HIKESHI: variants seen among roughly 807,000 people sequenced by gnomAD.
The protein encoded by HIKESHI is protein Hikeshi.
HIKESHI carries 13 observed loss-of-function variants against 25.7 expected under a neutral mutation model. That is an observed-to-expected ratio of 0.51 (90% confidence interval 0.33 to 0.80). The LOEUF (loss-of-function observed/expected upper bound fraction) is 0.80, where lower values mean the gene tolerates loss of function less well. Among genes scored for constraint, HIKESHI ranks in the 30% least tolerant of loss-of-function variants. The pLI is 0.02. For missense variants in HIKESHI, 174 were observed against 229.5 expected, an observed-to-expected ratio of 0.76 and a Z score of 1.56; for synonymous variants, 76 against 78.7, an observed-to-expected ratio of 0.97 and a Z score of 0.18.
chr11:86,314,019 A>T (rs190985536), intron 2 of HIKESHI, among the ~76,000 whole-genome samples: 83 of 152,336 alleles, frequency 5.4e-4, no homozygotes, highest in African/African-American at 2.0e-3. Context: ...CTCACTGGGA[A>T]TGTAATAGGT....
intron 2 of HIKESHI, among the ~76,000 whole-genome samples, chr11:86,310,110 T>C (rs1296328886): frequency 6.8e-6 from 1 of 147,798 alleles, no homozygotes; most frequent in Admixed American, 6.9e-5. Flanking sequence ...AAGAAAGTCA[T>C]TGGTAGCTTG....
chr11:86,325,343 G>A (rs1263536614), intron 2 of HIKESHI, among the ~76,000 whole-genome samples: 6 of 152,110 alleles, frequency 3.9e-5, no homozygotes, highest in Admixed American at 3.9e-4. Context: ...GTGTCTTAAA[G>A]CCAGTTACTG....
chr11:86,316,549 G>A, intron 2 of HIKESHI, among the ~76,000 whole-genome samples: 1 of 151,654 alleles, frequency 6.6e-6, no homozygotes, highest in Non-Finnish European at 1.5e-5. Context: ...TTTAAAAAGG[G>A]GGAAAGCAAA....
chr11:86,326,245 CCAAGATCGTGCCACCA>C (rs1412466736), intron 2 of HIKESHI, among the ~76,000 whole-genome samples: 2 of 152,238 alleles, frequency 1.3e-5, no homozygotes, highest in African/African-American at 2.4e-5. Context: ...TTGCAGTGAG[CCAAGATCGTGCCACCA>C]CTCTCCAGCC....
intron 1 of HIKESHI, 40 bp downstream of exon 1, chr11:86,302,518 T>C: frequency 6.5e-7 from 1 of 1,547,718 alleles, no homozygotes; most frequent in Non-Finnish European, 8.7e-7. Context: ...GGGGTCAGGA[T>C]ACCGAGGGCG....
intron 3 of HIKESHI, among the ~76,000 whole-genome samples, chr11:86,339,106 C>T (rs891996500): frequency 2.0e-5 from 3 of 152,068 alleles, no homozygotes; most frequent in East Asian, 1.9e-4. Flanking sequence ...AGTGCAGTGG[C>T]GCGATCTCGG....
At chr11:86,322,712 G>C (rs530272255) in intron 2 of HIKESHI, among the ~76,000 whole-genome samples, 54 of 152,234 alleles carry the variant, frequency 3.5e-4, no homozygotes, top group African/African-American at 1.3e-3. Flanking sequence ...CTTTCTCCTA[G>C]AGGTTTTAAT....
intron 2 of HIKESHI, among the ~76,000 whole-genome samples, chr11:86,336,701 C>T (rs1463876838): frequency 1.3e-5 from 2 of 152,138 alleles, no homozygotes; most frequent in Non-Finnish European, 2.9e-5. Context: ...TCAGAAACTT[C>T]TCAAATTTGA....
intron 2 of HIKESHI, among the ~76,000 whole-genome samples, chr11:86,324,778 T>C (rs1359294509): frequency 6.6e-6 from 1 of 152,186 alleles, no homozygotes; most frequent in Non-Finnish European, 1.5e-5. Flanking sequence ...CTTGCTAAAG[T>C]AACTTCAGGC....
At chr11:86,327,818 C>A (rs917601790) in intron 2 of HIKESHI, among the ~76,000 whole-genome samples, 2 of 152,118 alleles carry the variant, frequency 1.3e-5, no homozygotes, top group Admixed American at 6.6e-5. Flanking sequence ...AATAAATATT[C>A]TTATACATAT....
chr11:86,326,991 T>C (rs1947297967), intron 2 of HIKESHI, among the ~76,000 whole-genome samples: 1 of 152,002 alleles, frequency 6.6e-6, no homozygotes, highest in South Asian at 2.1e-4. Context: ...CTCGGGAGGC[T>C]GAAGTGGGAG....
chr11:86,302,580 CTTA>C lies in HIKESHI; in HGVS notation c.30+107_30+109del, dbSNP rs1290775842. The C allele has an allele frequency of 7.2e-6, 10 of 1,385,112 alleles. No homozygotes were observed. The Admixed American group carries it at 8.8e-5, about 12-fold the overall frequency. 85.8% of individuals were successfully genotyped at this position (1,385,112 alleles called of 1,614,324 possible). On this transcript the variant is annotated intron_variant, in intron 1 of 4. Coordinates refer to ENST00000278483, the MANE Select transcript of HIKESHI (RefSeq NM_016401.4). ...GGCGCTAGGGATGCGGGGAAGCCCA[CTTA>C]TTATATTTTGGGTGGGTATGTGAGG... is the stretch of plus-strand genomic sequence containing the variant.
rs71468999 is a variant in HIKESHI, at chr11:86,308,559, T to TTTTATTTATTTA, written c.268+2087_268+2098dup. On this transcript the variant is annotated intron_variant, in intron 2 of 4. Coordinates refer to ENST00000278483, the MANE Select transcript of HIKESHI (RefSeq NM_016401.4). ...GTTGACATTGCAGAGCCATAATTCT[T>TTTTATTTATTTA]TTTATTTATTTATTTATTTATCTAT... 5.6e-3 allele frequency among the ~76,000 whole-genome samples: 800 copies of TTTTATTTATTTA among 142,560 alleles called. 8 individuals are homozygous for TTTTATTTATTTA. Among genetic ancestry groups the TTTTATTTATTTA allele is most frequent in the Admixed American group, 0.016 (211 of 13,506 alleles). 93.5% of individuals were successfully genotyped at this position (142,560 alleles called of 152,430 possible).
intron 2 of HIKESHI, among the ~76,000 whole-genome samples, chr11:86,321,535 A>ATTT (rs35862030): frequency 1.4e-5 from 2 of 146,702 alleles, no homozygotes; most frequent in Non-Finnish European, 3.0e-5. Flanking sequence ...TTTGTTTTAC[A>ATTT]TTTTTTTTTT....
intron 3 of HIKESHI, among the ~76,000 whole-genome samples, chr11:86,338,290 T>C (rs1267379539): frequency 6.6e-6 from 1 of 152,170 alleles, no homozygotes; most frequent in African/African-American, 2.4e-5. Context: ...TGTCTTTCTG[T>C]TCCTGACTTC....
chr11:86,334,388 G>C lies in HIKESHI; in HGVS notation c.269-2991G>C, dbSNP rs538663750. 2.6e-5 allele frequency among the ~76,000 whole-genome samples: 4 copies of C among 151,880 alleles called. No individual in the cohort carries two copies. In the East Asian group the frequency reaches 5.8e-4, roughly 22 times the overall value. On this transcript the variant is annotated intron_variant, in intron 2 of 4. Coordinates refer to ENST00000278483, the MANE Select transcript of HIKESHI (RefSeq NM_016401.4). ...TCCTCTGAGTTGTGTTTTGTGTTAG[G>C]CTCTTGATTTACATGGAGGAGGGAT...
Position 86,306,363 on chromosome 11 carries a change from T to C in HIKESHI, c.149T>C (p.Met50Thr). The change falls in exon 2 of 5, where the codon ATG becomes ACG. Residue 50 changes from methionine (M) to threonine (T), a missense_variant. Transcript: ENST00000278483. ...MLGTIPFPEG[M>T]GGSVYFSYPD... The stretch of plus-strand genomic sequence containing the variant: ...GGAACAATCCCATTTCCTGAGGGAA[T>C]GGGAGGATCTGTCTACTTTTCTTAT... The C allele has an allele frequency of 2.5e-6, 4 of 1,613,708 alleles. No homozygotes were observed. Among genetic ancestry groups the C allele is most frequent in the South Asian group, 1.1e-5 (1 of 91,074 alleles).
At chr11:86,303,991 A>G (rs985239174) in intron 1 of HIKESHI, among the ~76,000 whole-genome samples, 1 of 152,160 alleles carries the variant, frequency 6.6e-6, no homozygotes, top group Admixed American at 6.5e-5. Context: ...TTTAGGTTAT[A>G]TGCATGCCAA....
chr11:86,336,392 G>A (rs1483093228), intron 2 of HIKESHI, among the ~76,000 whole-genome samples: 1 of 152,194 alleles, frequency 6.6e-6, no homozygotes, highest in Non-Finnish European at 1.5e-5. Context: ...GGTATTGGGA[G>A]GTAGGGACTT....
Sources: gnomAD v4.1 joint callset for allele counts (sites outside exome capture counted in the v4.1 genomes callset) on GRCh38, gnomAD v4.1.1 for gene constraint, MANE v1.5 for transcripts, NCBI Gene and HGNC (gene_info 2026-07-23, HGNC 2026-07-21) for gene names.